TENM1: variants seen among roughly 807,000 people sequenced by gnomAD.
TENM1 encodes teneurin transmembrane protein 1, also known as teneurin-1.
TENM1 carries 35 observed loss-of-function variants against 174.8 expected under a neutral mutation model. That is an observed-to-expected ratio of 0.20 (90% CI 0.15 to 0.27). The LOEUF is 0.27. Ranked by LOEUF, TENM1 falls within the 10% of genes least tolerant of loss-of-function variation. The pLI is 1.00. For synonymous variants in TENM1, 781 were observed against 798.7 expected (o/e 0.98, Z 0.37); for missense variants, 1,633 against 2,130.1 (o/e 0.77, Z 4.59).
chrX:124,718,039 T>C (rs2053227095), intron 4 of TENM1, among the ~76,000 whole-genome samples: 1 of 112,601 alleles, frequency 8.9e-6, no homozygotes, highest in Non-Finnish European at 1.9e-5. Flanking sequence ...TTGTCTACAA[T>C]GCCCTCTATA....
chrX:124,991,445 G>C, the TENM1 span, among the ~76,000 whole-genome samples: 1 of 110,133 alleles, frequency 9.1e-6, no homozygotes, highest in Non-Finnish European at 1.9e-5. Flanking sequence ...ATGTATTTGT[G>C]AGTGTGAGTG....
At chrX:124,622,436 C>T (rs2050540435) in intron 11 of TENM1, among the ~76,000 whole-genome samples, 1 of 112,270 alleles carries the variant, frequency 8.9e-6, no homozygotes, top group Non-Finnish European at 1.9e-5. Context: ...AATGATGTGT[C>T]TTTCTTTTAA....
At chrX:125,094,785 T>C in the TENM1 span, among the ~76,000 whole-genome samples, 8 of 112,343 alleles carry the variant, frequency 7.1e-5, no homozygotes, top group Admixed American at 4.7e-4. Context: ...ATCATCATCA[T>C]GAAAATAGAA....
intron 18 of TENM1, among the ~76,000 whole-genome samples, chrX:124,513,038 T>C (rs749824609): frequency 4.4e-4 from 49 of 111,701 alleles, no homozygotes; most frequent in Non-Finnish European, 8.3e-4. Context: ...CTTATATTAG[T>C]TTCCAATGTC....
intron 23 of TENM1, among the ~76,000 whole-genome samples, chrX:124,431,340 C>A (rs755004324): frequency 2.3e-4 from 26 of 112,029 alleles, no homozygotes; most frequent in Non-Finnish European, 4.3e-4. Flanking sequence ...AGCCTTGTGG[C>A]TCATTTAAAA....
the TENM1 span, among the ~76,000 whole-genome samples, chrX:125,153,355 T>C: frequency 8.9e-6 from 1 of 111,938 alleles, no homozygotes; most frequent in Admixed American, 9.5e-5. Context: ...TAAATAATCA[T>C]CTGGATTAAA....
At chrX:124,977,128 A>T in the TENM1 span, among the ~76,000 whole-genome samples, 1 of 111,614 alleles carries the variant, frequency 9.0e-6, no homozygotes, top group Non-Finnish European at 1.9e-5. Flanking sequence ...CCATTGGATA[A>T]ATCAGTTAAC....
the TENM1 span, among the ~76,000 whole-genome samples, chrX:125,106,946 G>A: frequency 8.9e-6 from 1 of 111,812 alleles, no homozygotes; most frequent in African/African-American, 3.3e-5. Context: ...ACATAATTCT[G>A]CAGCTACTTC....
intron 2 of TENM1, among the ~76,000 whole-genome samples, chrX:124,894,865 T>C (rs377115323): frequency 3.6e-5 from 4 of 111,883 alleles, no homozygotes; most frequent in South Asian, 7.6e-4. Context: ...ATATGCTACA[T>C]ATGTCAAATA....
intron 4 of TENM1, among the ~76,000 whole-genome samples, chrX:124,725,008 C>G (rs2053414108): frequency 9.0e-6 from 1 of 111,210 alleles, no homozygotes; most frequent in East Asian, 2.8e-4. Flanking sequence ...TACCAGACAC[C>G]AAAATCTGCT....
At chrX:125,202,593 T>C in the TENM1 span, among the ~76,000 whole-genome samples, 1 of 111,428 alleles carries the variant, frequency 9.0e-6, no homozygotes, top group Non-Finnish European at 1.9e-5. Flanking sequence ...GTAGCAGTGA[T>C]GCAGATCTGC....
chrX:125,075,140 T>G, the TENM1 span, among the ~76,000 whole-genome samples: 1 of 111,766 alleles, frequency 8.9e-6, no homozygotes, highest in Admixed American at 9.5e-5. Flanking sequence ...CACTACCTGT[T>G]ACCATACCCC....
chrX:125,056,030 A>G, the TENM1 span, among the ~76,000 whole-genome samples: 1 of 111,378 alleles, frequency 9.0e-6, no homozygotes, highest in Non-Finnish European at 1.9e-5. Context: ...TCTTCTTTAC[A>G]GCATAGTGCA....
upstream of TENM1, among the ~76,000 whole-genome samples, chrX:124,965,961 TATATTG>T (rs1274153797): frequency 9.0e-6 from 1 of 111,664 alleles, no homozygotes; most frequent in Non-Finnish European, 1.9e-5. Flanking sequence ...TAATATTCTT[TATATTG>T]ATATTAATAG....
the TENM1 span, among the ~76,000 whole-genome samples, chrX:125,075,869 A>G: frequency 3.2e-5 from 3 of 93,701 alleles, no homozygotes; most frequent in Admixed American, 1.2e-4. Flanking sequence ...TAGAATTCTC[A>G]TTTGATTTCC....
At chrX:124,681,514 T>G (rs1318379658) in intron 5 of TENM1, among the ~76,000 whole-genome samples, 1 of 111,989 alleles carries the variant, frequency 8.9e-6, no homozygotes, top group Non-Finnish European at 1.9e-5. Flanking sequence ...GGATCCTATG[T>G]ATTAGACATT....
At chrX:125,104,239 T>C in the TENM1 span, among the ~76,000 whole-genome samples, 1 of 111,860 alleles carries the variant, frequency 8.9e-6, no homozygotes, top group African/African-American at 3.2e-5. Flanking sequence ...AAGAGCTTAG[T>C]ACTTCCTCTC....
intron 5 of TENM1, among the ~76,000 whole-genome samples, chrX:124,676,077 G>C (rs983466757): frequency 2.8e-4 from 29 of 104,496 alleles, no homozygotes; most frequent in African/African-American, 9.0e-4. Context: ...TGTTACCTCA[G>C]TACGCTAGCC....
At chrX:124,838,022 G>C (rs1397090644) in intron 3 of TENM1, among the ~76,000 whole-genome samples, 1 of 112,295 alleles carries the variant, frequency 8.9e-6, no homozygotes, top group Non-Finnish European at 1.9e-5. Flanking sequence ...AGAGGTTTCA[G>C]ACATGTCCCC....
Sources: gnomAD v4.1 joint callset for allele counts (sites outside exome capture counted in the v4.1 genomes callset) on GRCh38, gnomAD v4.1.1 for gene constraint, MANE v1.5 for transcripts, NCBI Gene and HGNC (gene_info 2026-07-23, HGNC 2026-07-21) for gene names.